The following FAM81A variants were observed in gnomAD, a reference collection of about 807,000 sequenced individuals.
FAM81A encodes the protein protein FAM81A.
In FAM81A, 19 loss-of-function variants were observed where a neutral mutation model predicts 46.7. The ratio of observed to expected loss-of-function variants is 0.41; its 90% CI spans 0.28 to 0.60. FAM81A has a LOEUF of 0.60. Among genes scored for constraint, FAM81A ranks in the 20% least tolerant of loss-of-function variants. The pLI, the probability that FAM81A is intolerant of heterozygous loss-of-function variation, is 0.34. For missense variants in FAM81A, 377 were observed against 453.5 expected (o/e 0.83, Z 1.53); for synonymous variants, 183 against 152.9 (o/e 1.20, Z -1.45).
In FAM81A at chr15:59,522,872, T is replaced by A. The variant is rs2082341080; in HGVS notation, c.*1494T>A. On this transcript the variant is annotated 3_prime_UTR_variant, in exon 9 of 9. Coordinates refer to ENST00000288228, the MANE Select transcript of FAM81A (RefSeq NM_152450.3). ...TTTTGCTGTCAATGGCTTGACAATTTTTTTTTTCAAATTTGGACATGAGAG... is the reference window on the plus strand; with the variant it reads ...TTTTGCTGTCAATGGCTTGACAATTATTTTTTTCAAATTTGGACATGAGAG... The A allele has an allele frequency of 6.5e-6, 1 of 152,676 alleles. No individual in the cohort carries two copies. Among genetic ancestry groups the A allele is most frequent in the Non-Finnish European group, 1.5e-5 (1 of 68,052 alleles). The allele number at this position is 152,676 out of a possible 1,614,324, so 9.5% of individuals were successfully genotyped here.
At chr15:59,440,039 C>T (rs1037975563) in intron 1 of FAM81A, 1 of 152,236 alleles carries the variant, frequency 6.6e-6, no homozygotes, top group Non-Finnish European at 1.5e-5. Flanking sequence ...TCCACCGTCT[C>T]ACCAGAGTAG....
intron 4 of FAM81A, among the ~76,000 whole-genome samples, chr15:59,504,611 G>T (rs2082129957): frequency 6.6e-6 from 1 of 152,088 alleles, no homozygotes; most frequent in Non-Finnish European, 1.5e-5. Context: ...CTCCTTCTTT[G>T]TGGGTGTTCT....
rs187139999 is a variant in FAM81A at position 59,422,062 on chromosome 15, T to G, written c.-78+19704T>G. Among the ~76,000 whole-genome samples, 4 of 152,150 alleles carry G rather than the reference T, an allele frequency of 2.6e-5. No individual in the cohort carries two copies. In the East Asian group the frequency reaches 7.7e-4, roughly 29 times the overall value. On this transcript the variant is annotated intron_variant, in intron 2 of 4. Transcript: ENST00000558348. ...GTATTTTTTTTAATTGAGGTGAAAT[T>G]TCACATAACATAAAATTAAGCATTT...
At chr15:59,409,328 G>T (rs1377912560) in intron 2 of FAM81A, among the ~76,000 whole-genome samples, 1 of 152,166 alleles carries the variant, frequency 6.6e-6, no homozygotes, top group African/African-American at 2.4e-5. Context: ...CCCCAAACCA[G>T]AGAATTGGTC....
chr15:59,498,573 A>G lies in FAM81A; in HGVS notation c.413+6184A>G, dbSNP rs148673492. Among the ~76,000 whole-genome samples the G allele has an allele frequency of 7.3e-4, 111 of 152,344 alleles. 1 individual carries two copies. The highest frequency in any genetic ancestry group is 1.4e-3 in the Non-Finnish European group (93 of 68,030). On this transcript the variant is annotated intron_variant, in intron 4 of 8. Coordinates refer to ENST00000288228, the MANE Select transcript of FAM81A (RefSeq NM_152450.3). ...AGTACGATGTTGAATAAATGTGGTG[A>G]GAGCAGATACTCTTGTCTTGTTTTT...
chr15:59,511,443 G>A lies in FAM81A; in HGVS notation c.650+2474G>A, dbSNP rs529751330. 9.9e-5 allele frequency among the ~76,000 whole-genome samples: 15 copies of A among 152,238 alleles called. No homozygotes were observed. In the South Asian group the frequency reaches 2.3e-3, roughly 23 times the overall value. Reference sequence around the variant, plus strand: ...ACATTAGAAGAAATCCAAAGGACACGGGTTCACATCAGATATGTGAAAGTG... The same window carrying A: ...ACATTAGAAGAAATCCAAAGGACACAGGTTCACATCAGATATGTGAAAGTG... On this transcript the variant is annotated intron_variant, in intron 6 of 8. Coordinates refer to ENST00000288228, the MANE Select transcript of FAM81A (RefSeq NM_152450.3).
intron 1 of FAM81A, among the ~76,000 whole-genome samples, chr15:59,441,110 A>G (rs1326114248): frequency 6.6e-6 from 1 of 152,138 alleles, no homozygotes; most frequent in Non-Finnish European, 1.5e-5. Context: ...CCCTTCCCCA[A>G]GGTTAATCCA....
intron 7 of FAM81A, 117 bp from the exon 8 acceptor site, chr15:59,516,528 G>C (rs907383176): frequency 1.0e-6 from 1 of 961,696 alleles, no homozygotes; most frequent in African/African-American, 1.7e-5. Context: ...TGGGCAACAA[G>C]CAGCTGTTGC....
intron 7 of FAM81A, among the ~76,000 whole-genome samples, chr15:59,516,270 C>T (rs951022449): frequency 6.6e-6 from 1 of 152,000 alleles, no homozygotes; most frequent in Admixed American, 6.6e-5. Context: ...GGATTACAGG[C>T]ACCCACCACC....
At chr15:59,410,188 C>G (rs1347363773) in intron 2 of FAM81A, among the ~76,000 whole-genome samples, 1 of 151,714 alleles carries the variant, frequency 6.6e-6, no homozygotes, top group Non-Finnish European at 1.5e-5. Flanking sequence ...TCCCAGCTAC[C>G]TAGGAGGCTG....
At chr15:59,478,965 G>C (rs1038822945) in intron 3 of FAM81A, among the ~76,000 whole-genome samples, 1 of 152,154 alleles carries the variant, frequency 6.6e-6, no homozygotes, top group Non-Finnish European at 1.5e-5. Context: ...CAACTCAGAA[G>C]ACCAGATCCT....
At chr15:59,426,658 A>G (rs1212483055) in intron 2 of FAM81A, among the ~76,000 whole-genome samples, 1 of 152,224 alleles carries the variant, frequency 6.6e-6, no homozygotes, top group Admixed American at 6.5e-5. Flanking sequence ...TACTCAGTTT[A>G]TAAAATCAAA....
chr15:59,503,713 C>A (rs1324866410), intron 4 of FAM81A, among the ~76,000 whole-genome samples: 2 of 152,128 alleles, frequency 1.3e-5, no homozygotes, highest in Non-Finnish European at 2.9e-5. Context: ...GCTGGGATTA[C>A]ATGCGTGCAC....
intron 3 of FAM81A, among the ~76,000 whole-genome samples, chr15:59,470,241 T>G (rs1341916742): frequency 1.3e-5 from 2 of 152,208 alleles, no homozygotes; most frequent in Non-Finnish European, 2.9e-5. Flanking sequence ...TTCCTGAATT[T>G]GAATGTTGGC....
At chr15:59,467,786 CG>C (rs1214302745) in intron 3 of FAM81A, among the ~76,000 whole-genome samples, 3 of 152,220 alleles carry the variant, frequency 2.0e-5, no homozygotes, top group Admixed American at 2.0e-4. Flanking sequence ...TGTTTTGTGC[CG>C]GTTTTCAAAG....
intron 3 of FAM81A, among the ~76,000 whole-genome samples, chr15:59,470,820 C>T (rs2141677096): frequency 6.6e-6 from 1 of 152,152 alleles, no homozygotes; most frequent in Non-Finnish European, 1.5e-5. Flanking sequence ...TTGGAACACC[C>T]TCCTTTTTTT....
At position 59,477,361 on chromosome 15, in the gene FAM81A, G is replaced by C. The variant is rs79655533; in HGVS notation, c.295-14910G>C. On this transcript the variant is annotated intron_variant, in intron 3 of 8. Coordinates refer to ENST00000288228, the MANE Select transcript of FAM81A (RefSeq NM_152450.3). ...CAGTTCACGCAGTAAAATTTTACTG[G>C]GTTATTTGATTTTTGAGAATCATCC... Among the ~76,000 whole-genome samples, 1,184 of 151,992 alleles carry C rather than the reference G, an allele frequency of 7.8e-3. 17 individuals carry two copies. The highest frequency in any genetic ancestry group is 0.025 in the African/African-American group (1,025 of 41,464).
intron 2 of FAM81A, among the ~76,000 whole-genome samples, chr15:59,414,255 A>G (rs2081136003): frequency 1.3e-5 from 2 of 152,122 alleles, no homozygotes; most frequent in South Asian, 4.1e-4. Flanking sequence ...CACCTGGCCC[A>G]CATTCTAATT....
chr15:59,513,263 A>G (rs1171757889), intron 6 of FAM81A, among the ~76,000 whole-genome samples: 2 of 152,106 alleles, frequency 1.3e-5, no homozygotes, highest in African/African-American at 4.8e-5. Context: ...ATAGAGGACA[A>G]GGGCAATTTG....
Sources: allele counts gnomAD v4.1 joint callset (sites outside exome capture counted in the v4.1 genomes callset), GRCh38; gene constraint gnomAD v4.1.1; transcripts MANE v1.5; gene names NCBI Gene and HGNC (gene_info 2026-07-23, HGNC 2026-07-21).